Variants in SETX observed in about 807,000 individuals in gnomAD.
SETX encodes the protein senataxin.
In SETX, 90 loss-of-function variants were observed where a neutral mutation model predicts 227.2. That is an observed-to-expected ratio of 0.40 (90% CI 0.33 to 0.47). The LOEUF is 0.47. SETX is among the 20% of genes least tolerant of loss of function. SETX has a pLI of 0.91. For missense variants in SETX, 3,052 were observed against 3,181.5 expected, an observed-to-expected ratio of 0.96 and a Z score of 0.98; for synonymous variants, 1,210 against 1,113.2, an observed-to-expected ratio of 1.09 and a Z score of -1.73.
rs376390697 is a variant in SETX, at chr9:132,289,083, A to G, written c.6107-432T>C. Among the ~76,000 whole-genome samples the G allele has an allele frequency of 8.5e-5, 13 of 152,336 alleles. No individual in the cohort carries two copies. In the East Asian group the frequency reaches 1.5e-3, roughly 18 times the overall value. ...TAAACCAGCCATAAAAATATGGAACAGTAAGTTGTAGAAAGCCACAAGAGG... is the reference window on the plus strand; with the variant it reads ...TAAACCAGCCATAAAAATATGGAACGGTAAGTTGTAGAAAGCCACAAGAGG... On this transcript the variant is annotated intron_variant, in intron 15 of 25. Coordinates refer to ENST00000224140, the MANE Select transcript of SETX (RefSeq NM_015046.7).
chr9:132,291,556 G>A (rs59144722), intron 15 of SETX, among the ~76,000 whole-genome samples: 16,168 of 152,068 alleles, frequency 0.11, 970 homozygotes, highest in East Asian at 0.24. Context: ...GAAATGTTCC[G>A]CAAATTATAA....
In SETX at chr9:132,264,528, T is replaced by A; in HGVS notation, c.7745A>T (p.Gln2582Leu). ...GGGCTGCTGTATATGGCTCAGGTCC[T>A]GGTGAACGACAGGGAAGCCCGGCTC... ...TGEPGFPVVHQDLSHIQQPAA... is the reference protein window; with the variant it reads ...TGEPGFPVVHLDLSHIQQPAA... Residue 2582 changes from glutamine to leucine, a missense_variant, in exon 26 of 26, where the codon CAG (glutamine) becomes CTG (leucine). This residue lies in a region of SETX where 294 missense variants were observed against 278.8 expected (regional missense o/e 1.05). Coordinates refer to ENST00000224140, the MANE Select transcript of SETX (RefSeq NM_015046.7). 1 of 1,613,972 alleles carries A rather than the reference T, an allele frequency of 6.2e-7. No individual in the cohort carries two copies. Among genetic ancestry groups the A allele is most frequent in the Non-Finnish European group, 8.5e-7 (1 of 1,179,954 alleles).
chr9:132,347,562 A>G (rs1205507001), intron 3 of SETX, among the ~76,000 whole-genome samples: 2 of 151,996 alleles, frequency 1.3e-5, no homozygotes, highest in Non-Finnish European at 2.9e-5. Context: ...CACCTGCCTC[A>G]GCATCCCAAA....
At position 132,326,598 on chromosome 9, in the gene SETX, G is replaced by A; in HGVS notation, c.5000C>T (p.Ser1667Phe). ...NVLHPQSPNN[S>F]NRQGCKVPFG... is the part of the protein sequence containing the mutation. ...TGGAACTTTGCAACCTTGCCTGTTG[G>A]AATTATTCGGAGACTGAGGATGAAG... The change falls in exon 10 of 26, where the codon TCC becomes TTC. Residue 1667 changes from serine (S) to phenylalanine (F), a missense_variant. By Grantham distance (155) the Ser-to-Phe change is radical (BLOSUM62 -2). Transcript: ENST00000224140. The A allele has an allele frequency of 1.2e-6, 2 of 1,613,908 alleles. No homozygotes were observed. The highest frequency in any genetic ancestry group is 1.7e-6 in the Non-Finnish European group (2 of 1,179,898).
chr9:132,304,157 G>A (rs746331763), intron 11 of SETX, among the ~76,000 whole-genome samples: 11 of 152,118 alleles, frequency 7.2e-5, no homozygotes, highest in Non-Finnish European at 1.5e-4. Context: ...CCAGGAGAAG[G>A]GTAAGACGAG....
At chr9:132,347,074 G>A (rs1479309862) in intron 3 of SETX, among the ~76,000 whole-genome samples, 1 of 151,888 alleles carries the variant, frequency 6.6e-6, no homozygotes, top group Non-Finnish European at 1.5e-5. Context: ...GACCAACACG[G>A]AGGAACCTCG....
chr9:132,344,594 G>A (rs510241), intron 4 of SETX, among the ~76,000 whole-genome samples: 115,959 of 152,108 alleles, frequency 0.76, 45,414 homozygotes, highest in Non-Finnish European at 0.85. Context: ...GTTATTTTGG[G>A]CCAGGCACGC....
At chr9:132,348,600 A>G (rs1029012200) in intron 3 of SETX, among the ~76,000 whole-genome samples, 1 of 152,130 alleles carries the variant, frequency 6.6e-6, no homozygotes, top group Non-Finnish European at 1.5e-5. Context: ...CCTAGTATAT[A>G]CCAGGCAATG....
intron 15 of SETX, among the ~76,000 whole-genome samples, chr9:132,290,140 T>C (rs889138030): frequency 2.0e-5 from 3 of 151,842 alleles, no homozygotes; most frequent in African/African-American, 7.3e-5. Context: ...ACCCAGGAGG[T>C]GGAAGTTGCA....
chr9:132,338,161 G>A (rs539682842), intron 5 of SETX, among the ~76,000 whole-genome samples: 11 of 144,756 alleles, frequency 7.6e-5, no homozygotes, highest in Non-Finnish European at 1.0e-4. Flanking sequence ...GCACCATCTC[G>A]GCTCACTGCA....
At chr9:132,265,506 G>A (rs1564465398) in intron 25 of SETX, among the ~76,000 whole-genome samples, 1 of 152,136 alleles carries the variant, frequency 6.6e-6, no homozygotes, top group Non-Finnish European at 1.5e-5. Flanking sequence ...TTACAGGCAG[G>A]AGCCACCGTG....
At chr9:132,282,654 C>G (rs977364965) in intron 19 of SETX, 9 of 161,028 alleles carry the variant, frequency 5.6e-5, no homozygotes, top group Admixed American at 5.2e-4. Flanking sequence ...GTGTGTTTCC[C>G]CATATCTTTC....
At chr9:132,267,755 G>A (rs1394773297) in intron 25 of SETX, among the ~76,000 whole-genome samples, 1 of 152,106 alleles carries the variant, frequency 6.6e-6, no homozygotes, top group Non-Finnish European at 1.5e-5. Flanking sequence ...CTGTCTAAAC[G>A]GAATGTGAAA....
intron 21 of SETX, 152 bp from the exon 22 acceptor site, chr9:132,277,304 A>G: frequency 1.4e-6 from 1 of 703,064 alleles, no homozygotes; most frequent in Non-Finnish European, 2.5e-6. Flanking sequence ...TATTAGTGAA[A>G]GGTACAAAAC....
chr9:132,319,372 T>G (rs1454939592), intron 10 of SETX, among the ~76,000 whole-genome samples: 9 of 152,196 alleles, frequency 5.9e-5, no homozygotes, highest in African/African-American at 1.9e-4. Flanking sequence ...ACTATTACTA[T>G]TCCCCCAGTC....
At chr9:132,298,055 T>C in intron 13 of SETX, 25 bp downstream of exon 13, 1 of 1,538,334 alleles carries the variant, frequency 6.5e-7, no homozygotes. Flanking sequence ...CATGAAATTA[T>C]CTAGTATCAT....
chr9:132,294,600 C>A (rs1844556581), intron 15 of SETX, among the ~76,000 whole-genome samples: 1 of 152,220 alleles, frequency 6.6e-6, no homozygotes. Flanking sequence ...ATAAAGATGA[C>A]ATGTTCCAGC....
chr9:132,332,135 G>A (rs973660463), intron 7 of SETX, among the ~76,000 whole-genome samples: 1 of 152,142 alleles, frequency 6.6e-6, no homozygotes, highest in African/African-American at 2.4e-5. Flanking sequence ...GATACTTAAT[G>A]TCTTCCAAGA....
Position 132,264,959 on chromosome 9 carries a change from A to T in SETX, c.7314T>A (p.Ile2438=). The change falls in exon 26 of 26, where the codon ATT becomes ATA. Residue 2438 remains isoleucine (I), a synonymous_variant. Coordinates refer to ENST00000224140, the MANE Select transcript of SETX (RefSeq NM_015046.7). ...TGGCACCACGCTTCTGAGCATCCTG[A>T]ATCAGCTGATTCCAATGCTGGTTTT... The part of the protein sequence containing the change: ...LMENQHWNQL[I]QDAQKRGAII... The T allele has an allele frequency of 6.2e-7, 1 of 1,614,092 alleles. No individual in the cohort carries two copies. The highest frequency in any genetic ancestry group is 8.5e-7 in the Non-Finnish European group (1 of 1,180,036).
Sources: allele counts gnomAD v4.1 joint callset (sites outside exome capture counted in the v4.1 genomes callset), GRCh38; gene constraint gnomAD v4.1.1; regional missense constraint gnomAD v4.1.1; transcripts MANE v1.5; gene names NCBI Gene and HGNC (gene_info 2026-07-23, HGNC 2026-07-21).